The following BABAM2 variants were observed in gnomAD, a reference collection of about 807,000 sequenced individuals.
The protein encoded by BABAM2 is BRISC and BRCA1 A complex member 2.
A neutral mutation model predicts 54.7 loss-of-function variants in BABAM2; 31 were observed. The ratio of observed to expected loss-of-function variants is 0.57; its 90% CI spans 0.43 to 0.77. The LOEUF (loss-of-function observed/expected upper bound fraction) is 0.77. Among genes scored for constraint, BABAM2 ranks in the 30% least tolerant of loss-of-function variants. BABAM2 has a pLI of 0.00. For synonymous variants in BABAM2, 167 were observed against 162.9 expected, an observed-to-expected ratio of 1.03 and a Z score of -0.19; for missense variants, 364 against 455.8, an observed-to-expected ratio of 0.80 and a Z score of 1.83.
In BABAM2 at chr2:28,062,267, A is replaced by C. The variant is rs532976908; in HGVS notation, c.570+16468A>C. On this transcript the variant is annotated intron_variant, in intron 6 of 11. Transcript: ENST00000379624. ...AGCAGGAGTCCGTCTCAAAAAAAAA[A>C]AAAAAACAAAAAACCTGGCCGGGCA... 1.1e-4 allele frequency among the ~76,000 whole-genome samples: 17 copies of C among 151,364 alleles called. No individual in the cohort carries two copies. The South Asian group carries it at 1.3e-3, about 11-fold the overall frequency.
At chr2:27,969,823 A>G (rs1012560917) in intron 3 of BABAM2, among the ~76,000 whole-genome samples, 2 of 152,310 alleles carry the variant, frequency 1.3e-5, no homozygotes, top group East Asian at 1.9e-4. Context: ...GCTGCTTAAT[A>G]TACCGCAGTT....
At chr2:28,093,827 T>C (rs1666368565) in intron 6 of BABAM2, among the ~76,000 whole-genome samples, 1 of 152,196 alleles carries the variant, frequency 6.6e-6, no homozygotes, top group Non-Finnish European at 1.5e-5. Flanking sequence ...AAGAAATTAA[T>C]TGTTATAATA....
At chr2:28,163,118 C>T (rs965007566) in intron 7 of BABAM2, among the ~76,000 whole-genome samples, 4 of 152,028 alleles carry the variant, frequency 2.6e-5, no homozygotes, top group Non-Finnish European at 4.4e-5. Flanking sequence ...AGGTGCCCCC[C>T]GAAAAAAGAC....
chr2:28,042,430 G>A (rs778300350), intron 5 of BABAM2, among the ~76,000 whole-genome samples: 1 of 152,166 alleles, frequency 6.6e-6, no homozygotes, highest in African/African-American at 2.4e-5. Flanking sequence ...CAGAGGGAGA[G>A]CCAGTGAAGT....
chr2:28,222,446 G>T (rs1233816940), intron 7 of BABAM2, among the ~76,000 whole-genome samples: 1 of 152,194 alleles, frequency 6.6e-6, no homozygotes, highest in Non-Finnish European at 1.5e-5. Context: ...GTGAGTCTGA[G>T]CGAAACTACT....
intron 5 of BABAM2, among the ~76,000 whole-genome samples, chr2:28,026,293 TGCAGCACTGTTCACAATA>T (rs1675653797): frequency 6.6e-6 from 1 of 152,184 alleles, no homozygotes; most frequent in Non-Finnish European, 1.5e-5. Context: ...GTATGTTTAT[TGCAGCACTGTTCACAATA>T]GCAAAGACTT....
chr2:28,327,323 G>C lies in BABAM2; in HGVS notation c.1089-11127G>C, dbSNP rs754184176. ...CTGCAGCCCGTGGGAGCAAGTCCTG[G>C]CCTTTGCAGTTGCAAAAACTGGCTG... On this transcript the variant is annotated intron_variant, in intron 11 of 11. Coordinates refer to ENST00000379624, the MANE Select transcript of BABAM2 (RefSeq NM_199191.3). 9 of 1,613,638 alleles carry C rather than the reference G, an allele frequency of 5.6e-6. No homozygotes were observed. In the South Asian group the frequency reaches 6.6e-5, roughly 12 times the overall value.
At chr2:28,285,758 C>T (rs1439266254) in intron 10 of BABAM2, among the ~76,000 whole-genome samples, 1 of 150,952 alleles carries the variant, frequency 6.6e-6, no homozygotes. Context: ...TTAATGGAAA[C>T]GGGATCTTGC....
chr2:27,929,888 A>G lies in BABAM2; in HGVS notation c.185A>G (p.Tyr62Cys). The change falls in exon 3 of 12, where the codon TAT (tyrosine) becomes TGT (cysteine). Residue 62 changes from tyrosine (Y) to cysteine (C), a missense_variant. By Grantham distance (194) the Tyr-to-Cys change is radical. Transcript: ENST00000379624. ...NCDRFKLHIP[Y>C]AGETLKWDII... Reference sequence around the variant, plus strand: ...GACCGATTTAAACTGCACATACCATATGCTGGAGAGACATTAAAGTGTAAG... The same window carrying G: ...GACCGATTTAAACTGCACATACCATGTGCTGGAGAGACATTAAAGTGTAAG... The G allele has an allele frequency of 1.9e-6, 3 of 1,612,842 alleles. No homozygotes were observed. The highest frequency in any genetic ancestry group is 2.5e-6 in the Non-Finnish European group (3 of 1,178,826).
intron 6 of BABAM2, among the ~76,000 whole-genome samples, chr2:28,109,775 C>T (rs1667844037): frequency 6.6e-6 from 1 of 152,132 alleles, no homozygotes; most frequent in South Asian, 2.1e-4. Flanking sequence ...CCTTGTTGTA[C>T]TTTTCAGTTT....
rs79074046 is a variant in BABAM2, at chr2:28,319,299, G to A, written c.1089-19151G>A. Among the ~76,000 whole-genome samples the A allele has an allele frequency of 2.2e-3, 328 of 152,342 alleles. 2 individuals are homozygous for A. The highest frequency in any genetic ancestry group is 7.6e-3 in the African/African-American group (315 of 41,576). The stretch of plus-strand genomic sequence containing the variant: ...AAGAAAAGGCTCCCCCTTTGGGTTG[G>A]TGCAGAGTTAGCTTTAGGTAAAGTA... On this transcript the variant is annotated intron_variant, in intron 11 of 11. Transcript: ENST00000379624.
chr2:28,279,092 A>T (rs1056476571), intron 10 of BABAM2, among the ~76,000 whole-genome samples: 1 of 152,232 alleles, frequency 6.6e-6, no homozygotes, highest in Admixed American at 6.5e-5. Flanking sequence ...GAGAACCTTC[A>T]GCATGATGAG....
intron 7 of BABAM2, among the ~76,000 whole-genome samples, chr2:28,231,815 TTTTTTTTTA>T (rs1681423000): frequency 1.9e-5 from 2 of 107,914 alleles, no homozygotes; most frequent in African/African-American, 8.3e-5. Context: ...TTTTTTTTTT[TTTTTTTTTA>T]AGAGACAGAG....
At chr2:28,132,145 T>C (rs990741233) in intron 7 of BABAM2, among the ~76,000 whole-genome samples, 7 of 150,346 alleles carry the variant, frequency 4.7e-5, no homozygotes, top group East Asian at 1.9e-4. Context: ...TCTTCTTCTT[T>C]TTTTTTTTTT....
intron 4 of BABAM2, among the ~76,000 whole-genome samples, chr2:28,013,753 CA>C (rs1674588967): frequency 6.9e-6 from 1 of 144,344 alleles, no homozygotes; most frequent in African/African-American, 2.5e-5. Context: ...ACACGTGGCT[CA>C]CAGTGAAGTT....
At chr2:27,917,896 A>G (rs951526532) in intron 2 of BABAM2, among the ~76,000 whole-genome samples, 4 of 152,194 alleles carry the variant, frequency 2.6e-5, no homozygotes, top group African/African-American at 4.8e-5. Context: ...GAAATCTGAA[A>G]AAATATGTAG....
At chr2:28,262,832 A>G (rs1023962137) in intron 10 of BABAM2, among the ~76,000 whole-genome samples, 1 of 151,732 alleles carries the variant, frequency 6.6e-6, no homozygotes, top group Admixed American at 6.6e-5. Context: ...ATGATGCTGA[A>G]CTCTTTGGCC....
chr2:28,018,577 C>T (rs1451206347), intron 4 of BABAM2, among the ~76,000 whole-genome samples: 1 of 152,170 alleles, frequency 6.6e-6, no homozygotes, highest in Non-Finnish European at 1.5e-5. Flanking sequence ...TAAGGAATCT[C>T]CACACTGTTT....
At chr2:28,269,734 C>G (rs752942494) in intron 10 of BABAM2, among the ~76,000 whole-genome samples, 1 of 152,166 alleles carries the variant, frequency 6.6e-6, no homozygotes, top group Non-Finnish European at 1.5e-5. Flanking sequence ...AGATTTACAG[C>G]TCCAGAGCCC....
Sources: gnomAD v4.1 joint callset for allele counts (sites outside exome capture counted in the v4.1 genomes callset) on GRCh38, gnomAD v4.1.1 for gene constraint, MANE v1.5 for transcripts, NCBI Gene and HGNC (gene_info 2026-07-23, HGNC 2026-07-21) for gene names.